Variants in CLASP2 observed in about 807,000 individuals in gnomAD.
CLASP2 encodes the protein cytoplasmic linker associated protein 2.
A neutral mutation model predicts 194.4 loss-of-function variants in CLASP2; 47 were observed. The ratio of observed to expected loss-of-function variants is 0.24; its 90% confidence interval spans 0.19 to 0.31. The LOEUF (loss-of-function observed/expected upper bound fraction) is 0.31, where lower values mean the gene tolerates loss of function less well. Ranked by LOEUF, CLASP2 falls within the 10% of genes least tolerant of loss-of-function variation. The probability of loss-of-function intolerance (pLI) is 1.00; values close to 1 mark genes in which losing one functional copy is unlikely to be tolerated. For synonymous variants in CLASP2, 619 were observed against 633.5 expected, an observed-to-expected ratio of 0.98 and a Z score of 0.34; for missense variants, 1,445 against 1,823.6, an observed-to-expected ratio of 0.79 and a Z score of 3.78.
chr3:33,584,933 C>T lies in CLASP2; in HGVS notation c.2069-13G>A, dbSNP rs949709205. 1.9e-6 allele frequency: 3 copies of T among 1,593,256 alleles called. No homozygotes were observed. In the African/African-American group the frequency reaches 4.1e-5, roughly 22 times the overall value. ...GACCGGCTACCAGCTGAACACCAAA[C>T]ACATATACAAATGTTAACATGTAAA... is the stretch of plus-strand genomic sequence containing the variant. On this transcript the variant is annotated splice_polypyrimidine_tract_variant and intron_variant, in intron 21 of 38. Coordinates refer to ENST00000682230, the MANE Select transcript of CLASP2 (RefSeq NM_001365631.1).
At chr3:33,545,735 C>A (rs2059056115) in intron 30 of CLASP2, among the ~76,000 whole-genome samples, 1 of 151,928 alleles carries the variant, frequency 6.6e-6, no homozygotes, top group Non-Finnish European at 1.5e-5. Context: ...CATGATGAAT[C>A]CCCGTCTCTA....
intron 37 of CLASP2, among the ~76,000 whole-genome samples, chr3:33,508,972 T>G (rs2154084918): frequency 1.3e-5 from 2 of 152,346 alleles, no homozygotes; most frequent in South Asian, 4.1e-4. Context: ...AAACCTGGAC[T>G]CAGTCATTTT....
intron 10 of CLASP2, among the ~76,000 whole-genome samples, chr3:33,626,042 A>G (rs1461696123): frequency 6.6e-6 from 1 of 152,124 alleles, no homozygotes; most frequent in Non-Finnish European, 1.5e-5. Context: ...GTGACAAAAA[A>G]TCTTTCTGTA....
Position 33,581,808 on chromosome 3 carries a change from C to T in CLASP2, c.2347+13G>A. On this transcript the variant is annotated intron_variant, in intron 23 of 38. Coordinates refer to ENST00000682230, the MANE Select transcript of CLASP2 (RefSeq NM_001365631.1). ...GGATAAGCAATGCACATAACACCTG[C>T]CCGAATACGTACCGAGGGGCTGAAA... 2 of 1,593,210 alleles carry T rather than the reference C, an allele frequency of 1.3e-6. No individual in the cohort carries two copies. Among genetic ancestry groups the T allele is most frequent in the Non-Finnish European group, 1.7e-6 (2 of 1,162,600 alleles).
chr3:33,602,403 G>C, intron 18 of CLASP2: 1 of 659,660 alleles, frequency 1.5e-6, no homozygotes, highest in East Asian at 2.7e-5. Flanking sequence ...TGTTCCAGCA[G>C]TACTACCCAA....
chr3:33,623,951 A>G (rs926913636), intron 10 of CLASP2, among the ~76,000 whole-genome samples: 1 of 152,168 alleles, frequency 6.6e-6, no homozygotes, highest in South Asian at 2.1e-4. Flanking sequence ...CTTTCCTCTA[A>G]GGTCTGGAAT....
intron 5 of CLASP2, 42 bp from the exon 6 acceptor site, chr3:33,684,498 T>C (rs1198614721): frequency 1.6e-6 from 2 of 1,259,156 alleles, no homozygotes; most frequent in Admixed American, 2.0e-5. Flanking sequence ...TTATATATGA[T>C]ACAATAAAAT....
At chr3:33,592,583 T>A in intron 20 of CLASP2, 87 bp from the exon 21 acceptor site, 1 of 1,008,836 alleles carries the variant, frequency 9.9e-7, no homozygotes, top group Non-Finnish European at 1.5e-6. Flanking sequence ...TATTTTTAGG[T>A]ACTGCCAAAT....
chr3:33,585,787 T>C (rs2067225099), intron 21 of CLASP2, among the ~76,000 whole-genome samples: 1 of 152,088 alleles, frequency 6.6e-6, no homozygotes, highest in African/African-American at 2.4e-5. Flanking sequence ...TTAAATGTGG[T>C]TATGCAGAGC....
At chr3:33,539,577 C>A (rs973643320) in intron 32 of CLASP2, among the ~76,000 whole-genome samples, 4 of 151,806 alleles carry the variant, frequency 2.6e-5, no homozygotes, top group African/African-American at 9.7e-5. Flanking sequence ...TCAGGTGATC[C>A]GCCCACCTCG....
chr3:33,549,642 T>C (rs2059678157), intron 30 of CLASP2, among the ~76,000 whole-genome samples: 1 of 152,186 alleles, frequency 6.6e-6, no homozygotes. Flanking sequence ...GTGCAGAATG[T>C]TCCTAGTGTA....
chr3:33,602,831 T>G (rs758926151), intron 18 of CLASP2, 121 bp downstream of exon 18: 3 of 1,058,992 alleles, frequency 2.8e-6, no homozygotes, highest in Non-Finnish European at 4.3e-6. Flanking sequence ...AGAATTATAT[T>G]AAAACATATG....
chr3:33,673,270 A>G (rs1454343786), intron 6 of CLASP2, among the ~76,000 whole-genome samples: 1 of 152,264 alleles, frequency 6.6e-6, no homozygotes, highest in East Asian at 1.9e-4. Flanking sequence ...AAGCCAGAAG[A>G]GAGTGGGGGC....
intron 28 of CLASP2, 46 bp downstream of exon 28, chr3:33,560,762 C>G (rs769275005): frequency 3.0e-5 from 46 of 1,526,720 alleles, no homozygotes; most frequent in Middle Eastern, 3.7e-4. Context: ...GTTAGATATT[C>G]CTAGTTATTA....
At chr3:33,552,736 T>C (rs1385678793) in intron 29 of CLASP2, among the ~76,000 whole-genome samples, 3 of 152,192 alleles carry the variant, frequency 2.0e-5, no homozygotes, top group African/African-American at 7.2e-5. Flanking sequence ...TCTACTCTTT[T>C]AGCAAAAATC....
intron 1 of CLASP2, among the ~76,000 whole-genome samples, chr3:33,698,286 G>C (rs747671610): frequency 5.9e-5 from 9 of 152,118 alleles, no homozygotes; most frequent in Admixed American, 5.9e-4. Flanking sequence ...AGAGGAAAAA[G>C]ATAAAAAGCC....
chr3:33,594,062 T>G (rs1045338606), intron 20 of CLASP2, among the ~76,000 whole-genome samples: 3 of 152,168 alleles, frequency 2.0e-5, no homozygotes, highest in Non-Finnish European at 2.9e-5. Context: ...CAAGCTGGTC[T>G]CAAACTTCTG....
chr3:33,676,703 G>T (rs1246609208), intron 6 of CLASP2, among the ~76,000 whole-genome samples: 1 of 152,192 alleles, frequency 6.6e-6, no homozygotes, highest in Non-Finnish European at 1.5e-5. Context: ...ATTGACAAAT[G>T]GGATCTAATT....
intron 18 of CLASP2, among the ~76,000 whole-genome samples, chr3:33,601,013 C>T (rs111490654): frequency 0.019 from 2,549 of 135,982 alleles, 70 homozygotes; most frequent in African/African-American, 0.067. Flanking sequence ...GGCTGGAGTG[C>T]AGTGGCAAGA....
Sources: gnomAD v4.1 joint callset for allele counts (sites outside exome capture counted in the v4.1 genomes callset) on GRCh38, gnomAD v4.1.1 for gene constraint, MANE v1.5 for transcripts, NCBI Gene and HGNC (gene_info 2026-07-23, HGNC 2026-07-21) for gene names.